Variants in SLC5A2 observed in about 807,000 individuals in gnomAD.
SLC5A2 encodes the protein sodium/glucose cotransporter 2.
Under a neutral mutation model 69.0 loss-of-function variants are expected in SLC5A2, and 67 were observed. The observed-to-expected ratio is 0.97, with a 90% CI of 0.80 to 1.19. The LOEUF (loss-of-function observed/expected upper bound fraction) is 1.19. Ranked by LOEUF, SLC5A2 falls within the 50% of genes most tolerant of loss-of-function variation. SLC5A2 has a pLI of 0.00. For synonymous variants in SLC5A2, 455 were observed against 395.8 expected, an observed-to-expected ratio of 1.15 and a Z score of -1.78; for missense variants, 1,001 against 921.5, an observed-to-expected ratio of 1.09 and a Z score of -1.12.
chr16:31,488,929 G>C lies in SLC5A2; in HGVS notation c.1330G>C (p.Val444Leu), dbSNP rs749417038. 21 of 1,604,690 alleles carry C rather than the reference G, an allele frequency of 1.3e-5. No individual in the cohort carries two copies. In the South Asian group the frequency reaches 1.9e-4, roughly 14 times the overall value. The change falls in exon 11 of 14, where the codon GTG becomes CTG. Residue 444 changes from valine (V) to leucine (L), a missense_variant. Val to Leu is a conservative substitution (Grantham distance 32). Coordinates refer to ENST00000330498, the MANE Select transcript of SLC5A2 (RefSeq NM_003041.4). ...VVVSVAWLPV[V>L]QAAQGGQLFD... is the part of the protein sequence containing the mutation. The stretch of plus-strand genomic sequence containing the variant: ...AGTGTCGGTGGCCTGGCTTCCCGTG[G>C]TGCAGGCGGCACAGGGCGGGCAGCT...
At position 31,488,730 on chromosome 16, in the gene SLC5A2, TGCGGCCACGCGCCG is replaced by T. The variant is rs955686506; in HGVS notation, c.1242_1255del (p.Gly418AlafsTer39). ...TTCACCATGGACATCTACACGCGCC[TGCGGCCACGCGCCG>T]GCGACCGCGAGCTGCTGCTGGTGGG... On this transcript the variant is annotated frameshift_variant, in exon 10 of 14. Coordinates refer to ENST00000330498, the MANE Select transcript of SLC5A2 (RefSeq NM_003041.4). LOFTEE classifies it high-confidence loss of function. 1.2e-6 allele frequency: 2 copies of T among 1,610,696 alleles called. No homozygotes were observed. The highest frequency in any genetic ancestry group is 2.7e-5 in the African/African-American group (2 of 74,992).
At chr16:31,488,555 C>T in intron 9 of SLC5A2, 65 bp downstream of exon 9, 2 of 1,604,422 alleles carry the variant, frequency 1.2e-6, no homozygotes, top group Non-Finnish European at 1.7e-6. Flanking sequence ...AGGGGTCGTC[C>T]CTCGCGCAGC....
At chr16:31,484,022 A>G (rs1312582446) in intron 1 of SLC5A2, among the ~76,000 whole-genome samples, 1 of 152,126 alleles carries the variant, frequency 6.6e-6, no homozygotes, top group African/African-American at 2.4e-5. Context: ...CCAGGAGTTC[A>G]AGGCTGCAGT....
At chr16:31,489,989 G>A in intron 12 of SLC5A2, 115 bp from the exon 13 acceptor site, 1 of 1,406,720 alleles carries the variant, frequency 7.1e-7, no homozygotes, top group Middle Eastern at 2.4e-4. Context: ...GGCTGGGTGT[G>A]TAGACTGGAC....
chr16:31,489,709 G>C, intron 12 of SLC5A2: 1 of 455,176 alleles, frequency 2.2e-6, no homozygotes, highest in Non-Finnish European at 4.1e-6. Context: ...GGCAGGGTGG[G>C]GTGAGGACAG....
At chr16:31,489,094 C>T (rs555885071) in intron 11 of SLC5A2, 29 bp from the exon 12 acceptor site, 11 of 1,604,662 alleles carry the variant, frequency 6.9e-6, no homozygotes, top group Admixed American at 1.7e-5. Context: ...CTTGCACATC[C>T]TCAGCAGGCT....
intron 1 of SLC5A2, among the ~76,000 whole-genome samples, chr16:31,483,937 A>C (rs1048236825): frequency 2.0e-5 from 3 of 151,902 alleles, no homozygotes; most frequent in African/African-American, 7.3e-5. Flanking sequence ...AGAAAGGAAA[A>C]ATTAGTCAGG....
At chr16:31,485,447 A>G in intron 3 of SLC5A2, 1 of 539,432 alleles carries the variant, frequency 1.9e-6, no homozygotes, top group Non-Finnish European at 3.3e-6. Context: ...TGAGGGGTCT[A>G]TGCTGGGGTT....
At chr16:31,485,665 G>A (rs569201961) in intron 3 of SLC5A2, 64 bp from the exon 4 acceptor site, 7 of 1,595,744 alleles carry the variant, frequency 4.4e-6, no homozygotes, top group Non-Finnish European at 5.1e-6. Context: ...GCACCTTCAC[G>A]AAGAGGTCAG....
chr16:31,489,540 A>G (rs959979097), intron 12 of SLC5A2: 1 of 623,494 alleles, frequency 1.6e-6, no homozygotes, highest in African/African-American at 1.8e-5. Context: ...CTTGATGTTG[A>G]TGGGTTGGTG....
In SLC5A2 at chr16:31,490,481, C is replaced by T. The variant is rs774392134; in HGVS notation, c.1965C>T (p.Leu655=). The T allele has an allele frequency of 1.3e-5, 21 of 1,614,022 alleles. No homozygotes were observed. The highest frequency in any genetic ancestry group is 1.6e-5 in the Non-Finnish European group (19 of 1,180,014). The change falls in exon 14 of 14, where the codon CTC becomes CTT. Residue 655 remains leucine (L), a synonymous_variant. Transcript: ENST00000330498. ...EDPSWARVVN[L]NALLMMAVAV... ...CGAGCTGGGCCCGTGTGGTCAACCT[C>T]AATGCCCTGCTCATGATGGCAGTGG...
chr16:31,487,228 A>G (rs978654094), intron 5 of SLC5A2, 92 bp from the exon 6 acceptor site: 32 of 1,179,928 alleles, frequency 2.7e-5, no homozygotes, highest in Admixed American at 2.4e-4. Flanking sequence ...CAGGAAGGGG[A>G]ACTCTTTCAA....
chr16:31,488,709 C>T lies in SLC5A2; in HGVS notation c.1217C>T (p.Thr406Ile), dbSNP rs776881071. The change falls in exon 10 of 14, where the codon ACC becomes ATC. Residue 406 changes from threonine to isoleucine, a missense_variant. Transcript: ENST00000330498. The stretch of plus-strand genomic sequence containing the variant: ...TTCAACAGCAGCAGCACGCTCTTCA[C>T]CATGGACATCTACACGCGCCTGCGG... ...SIFNSSSTLF[T>I]MDIYTRLRPR... 1.9e-6 allele frequency: 3 copies of T among 1,612,660 alleles called. No homozygotes were observed. Among genetic ancestry groups the T allele is most frequent in the Non-Finnish European group, 8.5e-7 (1 of 1,179,546 alleles).
intron 3 of SLC5A2, 49 bp downstream of exon 3, chr16:31,484,972 G>A (rs1166825923): frequency 6.6e-7 from 1 of 1,513,152 alleles, no homozygotes; most frequent in Admixed American, 1.8e-5. Context: ...AGAACACCTG[G>A]AAGGGTCACA....
At chr16:31,489,074 CAG>C (rs1386271813) in intron 11 of SLC5A2, 26 bp downstream of exon 11, 1 of 1,602,686 alleles carries the variant, frequency 6.2e-7, no homozygotes, top group Admixed American at 1.7e-5. Flanking sequence ...GTGGTGACGG[CAG>C]GGCTGGGCTT....
intron 4 of SLC5A2, 92 bp from the exon 5 acceptor site, chr16:31,486,078 G>A (rs1284363543): frequency 4.9e-6 from 6 of 1,233,588 alleles, no homozygotes; most frequent in Non-Finnish European, 7.2e-6. Context: ...AAAATGGAGG[G>A]AAGCTTTGAG....
At chr16:31,487,199 C>T in intron 5 of SLC5A2, 121 bp from the exon 6 acceptor site, 1 of 991,462 alleles carries the variant, frequency 1.0e-6, no homozygotes, top group Non-Finnish European at 1.6e-6. Context: ...AACAGGCTAT[C>T]GTTTTGAAAT....
In SLC5A2 at chr16:31,490,420, C is replaced by T. The variant is rs2082554501; in HGVS notation, c.1904C>T (p.Ala635Val). Reference sequence around the variant, plus strand: ...CCCCTTACCCAGGAGGAGGCAGCGGCAGCAGCCAGGCGGCTGGAGGACATC... The same window carrying T: ...CCCCTTACCCAGGAGGAGGCAGCGGTAGCAGCCAGGCGGCTGGAGGACATC... Reference protein sequence around the residue: ...PPPLTQEEAAAAARRLEDISE... With the variant: ...PPPLTQEEAAVAARRLEDISE... The change falls in exon 14 of 14, where the codon GCA becomes GTA. Residue 635 changes from alanine (A) to valine (V), a missense_variant. Coordinates refer to ENST00000330498, the MANE Select transcript of SLC5A2 (RefSeq NM_003041.4). The T allele has an allele frequency of 1.2e-6, 2 of 1,613,696 alleles. No homozygotes were observed. Among genetic ancestry groups the T allele is most frequent in the Non-Finnish European group, 1.7e-6 (2 of 1,179,912 alleles).
chr16:31,489,242 C>G lies in SLC5A2; in HGVS notation c.1569C>G (p.Gly523=), dbSNP rs779327265. The part of the protein sequence containing the change: ...QPSACPAFLC[G]VHYLYFAIVL... ...CGGCGTGCCCAGCTTTCCTCTGCGG[C>G]GTGCACTACCTCTACTTCGCCATTG... The change falls in exon 12 of 14, where the codon GGC becomes GGG. Residue 523 remains glycine, a synonymous_variant. Coordinates refer to ENST00000330498, the MANE Select transcript of SLC5A2 (RefSeq NM_003041.4). 1.2e-6 allele frequency: 2 copies of G among 1,610,406 alleles called. No individual in the cohort carries two copies. The highest frequency in any genetic ancestry group is 1.6e-4 in the Middle Eastern group (1 of 6,084).
Sources: allele counts gnomAD v4.1 joint callset (sites outside exome capture counted in the v4.1 genomes callset), GRCh38; gene constraint gnomAD v4.1.1; transcripts MANE v1.5; gene names NCBI Gene and HGNC (gene_info 2026-07-23, HGNC 2026-07-21).